The following CGNL1 variants were observed in gnomAD, a reference collection of about 807,000 sequenced individuals.
CGNL1 encodes cingulin-like protein 1.
In CGNL1, 132 loss-of-function variants were observed where a neutral mutation model predicts 141.2. The observed-to-expected ratio is 0.93, with a 90% CI of 0.81 to 1.08. CGNL1 has a LOEUF of 1.08. CGNL1 is among the 50% of genes least tolerant of loss of function. The probability of loss-of-function intolerance (pLI) is 0.00; values close to 1 mark genes in which losing one functional copy is unlikely to be tolerated. For synonymous variants in CGNL1, 690 were observed against 622.1 expected (o/e 1.11, Z -1.63); for missense variants, 1,870 against 1,588.6 (o/e 1.18, Z -3.01).
intron 1 of CGNL1, chr15:57,376,906 C>G (rs2062369738): frequency 6.6e-6 from 1 of 152,358 alleles, no homozygotes; most frequent in South Asian, 2.1e-4. Flanking sequence ...CCTGCCTGGA[C>G]CCTCCGGCTC....
chr15:57,522,163 T>C (rs2031305405), intron 10 of CGNL1, among the ~76,000 whole-genome samples: 1 of 152,168 alleles, frequency 6.6e-6, no homozygotes, highest in African/African-American at 2.4e-5. Flanking sequence ...GCCACCATCT[T>C]TTCCCCAGCA....
At chr15:57,485,138 T>A (rs1290867707) in intron 8 of CGNL1, among the ~76,000 whole-genome samples, 1 of 152,122 alleles carries the variant, frequency 6.6e-6, no homozygotes, top group East Asian at 1.9e-4. Flanking sequence ...TCAGTGTGTG[T>A]TTAAAACAAA....
intron 8 of CGNL1, among the ~76,000 whole-genome samples, chr15:57,508,129 T>C (rs1464955283): frequency 6.6e-6 from 1 of 152,188 alleles, no homozygotes; most frequent in Non-Finnish European, 1.5e-5. Flanking sequence ...TCTTTGCCAC[T>C]TCCTTTGCCA....
chr15:57,524,865 A>G, intron 12 of CGNL1, 114 bp downstream of exon 12: 1 of 1,039,518 alleles, frequency 9.6e-7, no homozygotes. Context: ...TTGGTGCTTG[A>G]CTCTTCATTC....
At chr15:57,484,394 G>C (rs1300132054) in intron 8 of CGNL1, among the ~76,000 whole-genome samples, 6 of 152,112 alleles carry the variant, frequency 3.9e-5, no homozygotes, top group African/African-American at 1.2e-4. Flanking sequence ...GTGTTGAGTT[G>C]TTTATAGATG....
chr15:57,528,256 CA>C (rs59772552), intron 12 of CGNL1, among the ~76,000 whole-genome samples: 20 of 133,188 alleles, frequency 1.5e-4, no homozygotes, highest in Non-Finnish European at 1.9e-4. Flanking sequence ...GACTCCATCT[CA>C]AAAAAAAAAG....
chr15:57,435,770 G>T (rs569678737), intron 1 of CGNL1, among the ~76,000 whole-genome samples: 1 of 152,186 alleles, frequency 6.6e-6, no homozygotes, highest in South Asian at 2.1e-4. Context: ...AACAAGTAAA[G>T]ATGTGCTAGA....
At chr15:57,446,140 G>C (rs2063248095) in intron 4 of CGNL1, among the ~76,000 whole-genome samples, 1 of 152,190 alleles carries the variant, frequency 6.6e-6, no homozygotes, top group African/African-American at 2.4e-5. Context: ...GGAACACAGA[G>C]GCAGGGGCTT....
chr15:57,466,962 G>A (rs549208726), intron 8 of CGNL1, among the ~76,000 whole-genome samples: 3 of 152,178 alleles, frequency 2.0e-5, no homozygotes, highest in Non-Finnish European at 4.4e-5. Context: ...ACATACAGCA[G>A]TTATGCAACA....
intron 8 of CGNL1, among the ~76,000 whole-genome samples, chr15:57,481,723 T>G (rs76977681): frequency 0.18 from 27,656 of 152,150 alleles, 2,538 homozygotes; most frequent in Admixed American, 0.23. Flanking sequence ...ATTTTTTTCT[T>G]GGATAAATAT....
At chr15:57,544,120 T>C (rs1875396976) in intron 15 of CGNL1, among the ~76,000 whole-genome samples, 1 of 152,238 alleles carries the variant, frequency 6.6e-6, no homozygotes, top group Non-Finnish European at 1.5e-5. Flanking sequence ...TTTCTGTTCA[T>C]GTTCTTCACT....
chr15:57,440,937 C>T (rs1232074157), intron 3 of CGNL1, among the ~76,000 whole-genome samples: 1 of 152,054 alleles, frequency 6.6e-6, no homozygotes, highest in South Asian at 2.1e-4. Flanking sequence ...GCAGTGCTTT[C>T]CATGCTTATC....
chr15:57,485,071 C>G (rs569736598), intron 8 of CGNL1, among the ~76,000 whole-genome samples: 68 of 151,902 alleles, frequency 4.5e-4, no homozygotes, highest in African/African-American at 1.6e-3. Context: ...ATTCAGACTT[C>G]CTTTTTTCTA....
chr15:57,453,191 GA>G (rs1434670105), intron 6 of CGNL1, among the ~76,000 whole-genome samples: 1 of 152,122 alleles, frequency 6.6e-6, no homozygotes, highest in Non-Finnish European at 1.5e-5. Context: ...ATTGTGTCGT[GA>G]AATGAAATGG....
At chr15:57,499,814 A>G (rs1421775842) in intron 8 of CGNL1, among the ~76,000 whole-genome samples, 5 of 152,210 alleles carry the variant, frequency 3.3e-5, no homozygotes, top group African/African-American at 1.2e-4. Context: ...ACCCAGTACA[A>G]AGAGGAATGT....
intron 9 of CGNL1, among the ~76,000 whole-genome samples, chr15:57,517,660 G>A (rs1412246383): frequency 6.6e-6 from 1 of 152,178 alleles, no homozygotes; most frequent in Non-Finnish European, 1.5e-5. Flanking sequence ...AGTGTGAATG[G>A]CATCACATGG....
chr15:57,485,814 A>G (rs2063778283), intron 8 of CGNL1, among the ~76,000 whole-genome samples: 2 of 152,342 alleles, frequency 1.3e-5, no homozygotes, highest in East Asian at 3.9e-4. Flanking sequence ...ATAGACGTAC[A>G]TAGAATGTCC....
intron 7 of CGNL1, 73 bp from the exon 8 acceptor site, chr15:57,461,607 T>C: frequency 7.0e-6 from 9 of 1,287,984 alleles, no homozygotes; most frequent in South Asian, 1.2e-5. Context: ...GGGACTGAAC[T>C]GGAGGGGAGA....
At chr15:57,429,001 G>A (rs927488987) in intron 1 of CGNL1, among the ~76,000 whole-genome samples, 5 of 151,366 alleles carry the variant, frequency 3.3e-5, no homozygotes, top group South Asian at 2.1e-4. Flanking sequence ...CCAGCCTGGC[G>A]ACAGAACTAG....
Sources: allele counts gnomAD v4.1 joint callset (sites outside exome capture counted in the v4.1 genomes callset), GRCh38; gene constraint gnomAD v4.1.1; transcripts MANE v1.5; gene names NCBI Gene and HGNC (gene_info 2026-07-23, HGNC 2026-07-21).